ANK3: variants seen among roughly 807,000 people sequenced by gnomAD.
The protein encoded by ANK3 is ankyrin-3.
A neutral mutation model predicts 370.9 loss-of-function variants in ANK3; 57 were observed. That is an observed-to-expected ratio of 0.15 (90% confidence interval 0.12 to 0.19). The LOEUF is 0.19. Among genes scored for constraint, ANK3 ranks in the 10% least tolerant of loss-of-function variants. The probability of loss-of-function intolerance (pLI) is 1.00; values close to 1 mark genes in which losing one functional copy is unlikely to be tolerated. For missense variants in ANK3, 4,439 were observed against 5,302.1 expected (o/e 0.84, Z 5.06); for synonymous variants, 1,929 against 1,946.3 (o/e 0.99, Z 0.23).
At chr10:60,543,115 T>C (rs1234501696) in intron 2 of ANK3, among the ~76,000 whole-genome samples, 2 of 152,018 alleles carry the variant, frequency 1.3e-5, no homozygotes, top group Non-Finnish European at 2.9e-5. Context: ...CAATGAAATA[T>C]ATTTTTCCCT....
intron 2 of ANK3, among the ~76,000 whole-genome samples, chr10:60,497,775 G>A (rs2075697150): frequency 6.6e-6 from 1 of 152,082 alleles, no homozygotes; most frequent in Non-Finnish European, 1.5e-5. Context: ...AGACAACTTT[G>A]ATGCACAAAG....
At chr10:60,550,153 G>A (rs562883135) in intron 2 of ANK3, among the ~76,000 whole-genome samples, 2 of 151,648 alleles carry the variant, frequency 1.3e-5, no homozygotes, top group African/African-American at 4.8e-5. Context: ...CACCATTTTT[G>A]TTATTAAAAC....
chr10:60,123,254 T>A lies in ANK3; in HGVS notation c.2842-8923A>T, dbSNP rs748377266. Among the ~76,000 whole-genome samples the A allele has an allele frequency of 3.3e-4, 50 of 152,214 alleles. 1 individual carries two copies. Among genetic ancestry groups the A allele is most frequent in the Non-Finnish European group, 5.9e-5 (4 of 68,036 alleles). On this transcript the variant is annotated intron_variant, in intron 25 of 43. Transcript: ENST00000280772. ...AGCACATTACTTTTCATTTTGGAAGTGATGTCAAGGATTATTCAACTGAAA... is the reference window on the plus strand; with the variant it reads ...AGCACATTACTTTTCATTTTGGAAGAGATGTCAAGGATTATTCAACTGAAA...
intron 21 of ANK3, among the ~76,000 whole-genome samples, chr10:60,167,276 G>T (rs2095648451): frequency 1.3e-5 from 2 of 152,160 alleles, no homozygotes; most frequent in Admixed American, 1.3e-4. Context: ...CAAATGAGCT[G>T]CAAGAAATAT....
At chr10:60,525,853 G>A (rs1403541004) in intron 2 of ANK3, among the ~76,000 whole-genome samples, 1 of 152,126 alleles carries the variant, frequency 6.6e-6, no homozygotes, top group African/African-American at 2.4e-5. Context: ...ATTCCTGTGA[G>A]TTCACTTATT....
At chr10:60,712,086 C>T (rs2079718107) in intron 1 of ANK3, among the ~76,000 whole-genome samples, 1 of 152,184 alleles carries the variant, frequency 6.6e-6, no homozygotes, top group Non-Finnish European at 1.5e-5. Context: ...TGGCATATGC[C>T]TGTAGTTCCA....
At chr10:60,229,551 T>C (rs773058541) in intron 8 of ANK3, among the ~76,000 whole-genome samples, 4 of 152,190 alleles carry the variant, frequency 2.6e-5, no homozygotes, top group Non-Finnish European at 5.9e-5. Context: ...GCTGAAATTA[T>C]AGTACATCCA....
chr10:60,369,523 A>G (rs1217372592), intron 1 of ANK3, among the ~76,000 whole-genome samples: 1 of 152,194 alleles, frequency 6.6e-6, no homozygotes, highest in Non-Finnish European at 1.5e-5. Context: ...CTTGCCTTAG[A>G]ATATATGTAT....
At chr10:60,147,137 G>A (rs1328604241) in intron 23 of ANK3, among the ~76,000 whole-genome samples, 1 of 152,182 alleles carries the variant, frequency 6.6e-6, no homozygotes, top group African/African-American at 2.4e-5. Context: ...GGTGTTTGGA[G>A]GATGGAATTG....
chr10:60,436,678 A>G (rs1267330653), intron 2 of ANK3, among the ~76,000 whole-genome samples: 1 of 152,192 alleles, frequency 6.6e-6, no homozygotes, highest in South Asian at 2.1e-4. Context: ...TTGAGTTGCA[A>G]GGATTTTTAA....
At chr10:60,499,129 C>T (rs535034975) in intron 2 of ANK3, among the ~76,000 whole-genome samples, 1 of 152,274 alleles carries the variant, frequency 6.6e-6, no homozygotes, top group South Asian at 2.1e-4. Context: ...GACACATTCT[C>T]GCCCTCAGAG....
rs535920920 is a variant in ANK3, at chr10:60,411,756, G to A, written c.97-132117C>T. Reference sequence around the variant, plus strand: ...CTTAGATAAGTGACCCCATCTGCCTGTGCCTCAGTTTCCACATTTCTAAAG... The same window carrying A: ...CTTAGATAAGTGACCCCATCTGCCTATGCCTCAGTTTCCACATTTCTAAAG... On this transcript the variant is annotated intron_variant, in intron 2 of 43. Transcript: ENST00000373827. Among the ~76,000 whole-genome samples, 4 of 152,298 alleles carry A rather than the reference G, an allele frequency of 2.6e-5. 1 individual carries two copies. In the South Asian group the frequency reaches 8.3e-4, roughly 32 times the overall value.
intron 1 of ANK3, among the ~76,000 whole-genome samples, chr10:60,701,939 T>C (rs923386576): frequency 6.6e-6 from 1 of 152,040 alleles, no homozygotes; most frequent in Non-Finnish European, 1.5e-5. Context: ...TAATTATAAA[T>C]AAAACTTTAC....
intron 1 of ANK3, chr10:60,300,397 C>T: frequency 7.8e-7 from 1 of 1,289,654 alleles, no homozygotes. Flanking sequence ...AATTAGTTAA[C>T]ACTTTGGACA....
chr10:60,121,592 T>C (rs2093476818), intron 25 of ANK3, among the ~76,000 whole-genome samples: 1 of 151,030 alleles, frequency 6.6e-6, no homozygotes, highest in Non-Finnish European at 1.5e-5. Flanking sequence ...CTTGGAAGGC[T>C]GAGGAGGGAG....
intron 1 of ANK3, among the ~76,000 whole-genome samples, chr10:60,305,953 G>A (rs2044965408): frequency 6.6e-6 from 1 of 151,968 alleles, no homozygotes; most frequent in Non-Finnish European, 1.5e-5. Context: ...ACAATAATAC[G>A]CCCTGCCTCA....
chr10:60,703,307 A>G (rs1362453202), intron 1 of ANK3, among the ~76,000 whole-genome samples: 3 of 152,164 alleles, frequency 2.0e-5, no homozygotes, highest in Non-Finnish European at 1.5e-5. Context: ...TTAAATTTTT[A>G]TCTCTCAGAG....
rs148655337 is a variant in ANK3 at position 60,477,158 on chromosome 10, C to T, written c.96+138028G>A. On this transcript the variant is annotated intron_variant, in intron 2 of 43. Coordinates refer to the ANK3 transcript ENST00000373827. ...AGAAGTGGGGAGAGAGTGAAAGGGGCTTTGATGCTAACATTTTTGAAAAAA... is the reference window on the plus strand; with the variant it reads ...AGAAGTGGGGAGAGAGTGAAAGGGGTTTTGATGCTAACATTTTTGAAAAAA... 7.6e-3 allele frequency among the ~76,000 whole-genome samples: 1,158 copies of T among 151,964 alleles called. 18 individuals carry two copies. The highest frequency in any genetic ancestry group is 0.027 in the African/African-American group (1,113 of 41,464).
chr10:60,508,680 C>T (rs1452811595), intron 2 of ANK3: 1 of 152,394 alleles, frequency 6.6e-6, no homozygotes, highest in Non-Finnish European at 1.5e-5. Flanking sequence ...GCACAATTAC[C>T]TCTTCACATC....
Sources: gnomAD v4.1 joint callset for allele counts (sites outside exome capture counted in the v4.1 genomes callset) on GRCh38, gnomAD v4.1.1 for gene constraint, MANE v1.5 for transcripts, NCBI Gene and HGNC (gene_info 2026-07-23, HGNC 2026-07-21) for gene names.